ADAMTS6: variants seen among roughly 807,000 people sequenced by gnomAD.
The protein encoded by ADAMTS6 is ADAM metallopeptidase with thrombospondin type 1 motif 6, also known as A disintegrin and metalloproteinase with thrombospondin motifs 6.
ADAMTS6 carries 23 observed loss-of-function variants against 144.3 expected under a neutral mutation model. The ratio of observed to expected loss-of-function variants is 0.16; its 90% CI spans 0.11 to 0.23. The LOEUF (loss-of-function observed/expected upper bound fraction) is 0.23, where lower values mean the gene tolerates loss of function less well. Ranked by LOEUF, ADAMTS6 falls within the 10% of genes least tolerant of loss-of-function variation. The pLI is 1.00. For synonymous variants in ADAMTS6, 444 were observed against 457.5 expected, an observed-to-expected ratio of 0.97 and a Z score of 0.38; for missense variants, 999 against 1,379.6, an observed-to-expected ratio of 0.72 and a Z score of 4.37.
chr5:65,308,966 A>T (rs1744212206), intron 9 of ADAMTS6, among the ~76,000 whole-genome samples: 1 of 152,152 alleles, frequency 6.6e-6, no homozygotes, highest in Admixed American at 6.5e-5. Context: ...ACAACAATAA[A>T]AGCCCCAAAA....
intron 24 of ADAMTS6, among the ~76,000 whole-genome samples, chr5:65,155,788 ATTC>A (rs1223709506): frequency 1.3e-5 from 2 of 152,210 alleles, no homozygotes; most frequent in Non-Finnish European, 2.9e-5. Flanking sequence ...CTGACTCTGT[ATTC>A]TTGGCTGACA....
chr5:65,153,215 T>C (rs1464628252), intron 24 of ADAMTS6, among the ~76,000 whole-genome samples: 1 of 152,214 alleles, frequency 6.6e-6, no homozygotes, highest in Non-Finnish European at 1.5e-5. Context: ...GTGAAAGTCT[T>C]AAAATTTGAA....
intron 9 of ADAMTS6, among the ~76,000 whole-genome samples, chr5:65,320,314 G>A (rs904614978): frequency 6.6e-6 from 1 of 152,012 alleles, no homozygotes; most frequent in African/African-American, 2.4e-5. Flanking sequence ...AATAAATTTG[G>A]CAATTCAGCT....
chr5:65,225,509 T>C (rs1008107395), intron 16 of ADAMTS6, among the ~76,000 whole-genome samples: 1 of 152,216 alleles, frequency 6.6e-6, no homozygotes, highest in Non-Finnish European at 1.5e-5. Flanking sequence ...TCTTATTATG[T>C]TACAATCATA....
chr5:65,293,042 T>C (rs1043914019), intron 10 of ADAMTS6, among the ~76,000 whole-genome samples: 5 of 152,094 alleles, frequency 3.3e-5, no homozygotes, highest in African/African-American at 1.2e-4. Flanking sequence ...TTTATAAGGA[T>C]ATGCAAACTT....
intron 14 of ADAMTS6, among the ~76,000 whole-genome samples, chr5:65,243,242 C>G (rs1264187813): frequency 6.6e-6 from 1 of 152,108 alleles, no homozygotes; most frequent in Non-Finnish European, 1.5e-5. Flanking sequence ...CAGGCACACT[C>G]AGAGATTGTT....
intron 9 of ADAMTS6, among the ~76,000 whole-genome samples, chr5:65,306,044 T>C (rs1561402614): frequency 6.6e-6 from 1 of 152,230 alleles, no homozygotes; most frequent in East Asian, 1.9e-4. Flanking sequence ...AAGCTCTGTG[T>C]TTCTCAGTTG....
At chr5:65,411,632 G>A (rs890993594) in intron 7 of ADAMTS6, among the ~76,000 whole-genome samples, 1 of 152,048 alleles carries the variant, frequency 6.6e-6, no homozygotes, top group Non-Finnish European at 1.5e-5. Flanking sequence ...GTCACAGGTA[G>A]GGAAAAACAT....
intron 7 of ADAMTS6, among the ~76,000 whole-genome samples, chr5:65,389,800 G>A (rs760663832): frequency 2.0e-5 from 3 of 152,042 alleles, no homozygotes; most frequent in Non-Finnish European, 4.4e-5. Context: ...GCTTTATATG[G>A]CAAAATTAAT....
chr5:65,476,410 A>G (rs1358517341), intron 1 of ADAMTS6, among the ~76,000 whole-genome samples: 1 of 152,224 alleles, frequency 6.6e-6, no homozygotes, highest in Non-Finnish European at 1.5e-5. Context: ...GTTACACAGC[A>G]ATTGATAACT....
At chr5:65,370,632 C>T (rs1025853423) in intron 7 of ADAMTS6, among the ~76,000 whole-genome samples, 4 of 152,294 alleles carry the variant, frequency 2.6e-5, no homozygotes, top group East Asian at 1.9e-4. Flanking sequence ...CCTACGCCCA[C>T]GGAGTCTCGC....
chr5:65,280,574 A>G (rs1437406234), intron 11 of ADAMTS6, among the ~76,000 whole-genome samples: 1 of 152,206 alleles, frequency 6.6e-6, no homozygotes, highest in Non-Finnish European at 1.5e-5. Flanking sequence ...TATACTAGGA[A>G]ACATTCACAC....
intron 9 of ADAMTS6, among the ~76,000 whole-genome samples, chr5:65,316,570 AAAC>A (rs1561414407): frequency 6.6e-6 from 1 of 152,122 alleles, no homozygotes; most frequent in South Asian, 2.1e-4. Flanking sequence ...AAAAATGACT[AAAC>A]AACTATAAGC....
intron 7 of ADAMTS6, among the ~76,000 whole-genome samples, chr5:65,392,549 G>C (rs1438895126): frequency 6.6e-6 from 1 of 151,990 alleles, no homozygotes; most frequent in African/African-American, 2.4e-5. Flanking sequence ...TGCTCAATTG[G>C]TCTCAAGTTC....
intron 18 of ADAMTS6, among the ~76,000 whole-genome samples, chr5:65,222,775 C>G (rs1374795781): frequency 2.0e-5 from 3 of 151,854 alleles, no homozygotes; most frequent in Non-Finnish European, 4.4e-5. Context: ...TAACTTCTTA[C>G]ATACTGAAAA....
intron 21 of ADAMTS6, among the ~76,000 whole-genome samples, chr5:65,190,199 CA>C (rs1428701449): frequency 1.3e-5 from 2 of 152,172 alleles, no homozygotes; most frequent in Non-Finnish European, 2.9e-5. Flanking sequence ...TCAACATCTA[CA>C]AATTTTCAGC....
chr5:65,429,343 TATC>T (rs1756812362), intron 7 of ADAMTS6, among the ~76,000 whole-genome samples: 3 of 152,274 alleles, frequency 2.0e-5, no homozygotes, highest in Admixed American at 6.5e-5. Flanking sequence ...TCATCAGACT[TATC>T]ATAAAATGTA....
Position 65,151,024 on chromosome 5 carries a change from A to G in ADAMTS6, c.*812T>C, listed in dbSNP as rs1215454868. ...ATACCCCAGGTCTGGTTTCTGCATGAAATTGAAATGTTTTTCTCTTAAAGT... is the reference window on the plus strand; with the variant it reads ...ATACCCCAGGTCTGGTTTCTGCATGGAATTGAAATGTTTTTCTCTTAAAGT... On this transcript the variant is annotated 3_prime_UTR_variant, in exon 25 of 25. Transcript: ENST00000381055. 1 of 152,660 alleles carries G rather than the reference A, an allele frequency of 6.6e-6. No homozygotes were observed. Among genetic ancestry groups the G allele is most frequent in the East Asian group, 1.9e-4 (1 of 5,198 alleles). 9.5% of individuals were successfully genotyped at this position (152,660 alleles called of 1,614,324 possible). A position where few individuals can be genotyped will look rare whatever the true frequency, so the allele number is the denominator to read the frequency against.
At chr5:65,236,959 C>A (rs559950927) in intron 15 of ADAMTS6, among the ~76,000 whole-genome samples, 1 of 151,888 alleles carries the variant, frequency 6.6e-6, no homozygotes, top group Non-Finnish European at 1.5e-5. Context: ...ATTATCAATA[C>A]CAGAAATGAA....
Sources: gnomAD v4.1 joint callset for allele counts (sites outside exome capture counted in the v4.1 genomes callset) on GRCh38, gnomAD v4.1.1 for gene constraint, MANE v1.5 for transcripts, NCBI Gene and HGNC (gene_info 2026-07-23, HGNC 2026-07-21) for gene names.